Variants in NIBAN3 observed in about 807,000 individuals in gnomAD.
NIBAN3 encodes the protein niban apoptosis regulator 3, also known as protein Niban 3.
A neutral mutation model predicts 76.4 loss-of-function variants in NIBAN3; 66 were observed. The observed-to-expected ratio is 0.86, with a 90% CI of 0.71 to 1.06. NIBAN3 has a LOEUF of 1.06. Ranked by LOEUF, NIBAN3 falls within the 50% of genes least tolerant of loss-of-function variation. The pLI is 0.00. For synonymous variants in NIBAN3, 360 were observed against 355.2 expected (o/e 1.01, Z -0.15); for missense variants, 808 against 810.7 (o/e 1.00, Z 0.04).
At chr19:17,535,846 G>A (rs759332058) in intron 4 of NIBAN3, among the ~76,000 whole-genome samples, 26 of 151,780 alleles carry the variant, frequency 1.7e-4, no homozygotes, top group Non-Finnish European at 3.1e-4. Flanking sequence ...TGAGGCCACC[G>A]TGAGCTATGA....
At chr19:17,549,589 C>A in intron 14 of NIBAN3, 62 bp downstream of exon 14, 2 of 1,272,894 alleles carry the variant, frequency 1.6e-6, no homozygotes, top group Non-Finnish European at 2.3e-6. Flanking sequence ...GAGGTGGAGG[C>A]CCACATGGGG....
Position 17,546,698 on chromosome 19 carries a change from T to A in NIBAN3, c.1567T>A (p.Phe523Ile). Residue 523 changes from phenylalanine to isoleucine, a missense_variant, in exon 13 of 15, where the codon TTC (phenylalanine) becomes ATC (isoleucine). By Grantham distance (21) the Phe-to-Ile change is conservative. Transcript: ENST00000599164. ...GCCATGGTTCCAGGAGCTGCCTGAG[T>A]TCGAGGGGGATGTCCTTGCCGTGGG... Reference protein sequence around the residue: ...EPGCKKELPEFEGDVLAVGSQ... With the variant: ...EPGCKKELPEIEGDVLAVGSQ... The A allele has an allele frequency of 6.3e-7, 1 of 1,581,006 alleles. No individual in the cohort carries two copies. The highest frequency in any genetic ancestry group is 8.6e-7 in the Non-Finnish European group (1 of 1,164,840).
rs376551112 is a variant in NIBAN3, at chr19:17,540,568, C to T, written c.1156C>T (p.Arg386Trp). ...HRLRQSPSGT[R>W]LRREVYSFGE... ...CCTGCGCCAGAGCCCCTCAGGCACGCGGCTGCGCAGGGAGGTGAGCTCCCG... is the reference window on the plus strand; with the variant it reads ...CCTGCGCCAGAGCCCCTCAGGCACGTGGCTGCGCAGGGAGGTGAGCTCCCG... Residue 386 changes from arginine (R) to tryptophan (W), a missense_variant, in exon 9 of 15, where the codon CGG becomes TGG. Coordinates refer to ENST00000599164, the MANE Select transcript of NIBAN3 (RefSeq NM_001321827.2). 1.1e-5 allele frequency: 16 copies of T among 1,518,562 alleles called. No individual in the cohort carries two copies. The highest frequency in any genetic ancestry group is 1.2e-5 in the Non-Finnish European group (14 of 1,130,602). The allele number at this position is 1,518,562 out of a possible 1,614,324, so 94.1% of individuals were successfully genotyped here. A position where few individuals can be genotyped will look rare whatever the true frequency, so the allele number is the denominator to read the frequency against.
intron 1 of NIBAN3, 117 bp downstream of exon 1, chr19:17,527,512 A>T: frequency 1.9e-6 from 2 of 1,030,332 alleles, no homozygotes; most frequent in South Asian, 3.5e-5. Context: ...CTGTCAAAAC[A>T]CACAGGATGC....
intron 13 of NIBAN3, among the ~76,000 whole-genome samples, chr19:17,547,912 G>T (rs1223931686): frequency 6.6e-6 from 1 of 150,664 alleles, no homozygotes; most frequent in Non-Finnish European, 1.5e-5. Context: ...TGATCCGCCT[G>T]ACTTGGCCTC....
At position 17,528,848 on chromosome 19, in the gene NIBAN3, G is replaced by A. The variant is rs962447458; in HGVS notation, c.55+1453G>A. Reference sequence around the variant, plus strand: ...CAGCAGCATGGAAGAGTGTTTTTTTGGTTTTTGGGTCAAGTCATGACCCAA... The same window carrying A: ...CAGCAGCATGGAAGAGTGTTTTTTTAGTTTTTGGGTCAAGTCATGACCCAA... On this transcript the variant is annotated intron_variant, in intron 1 of 14. Coordinates refer to ENST00000599164, the MANE Select transcript of NIBAN3 (RefSeq NM_001321827.2). Among the ~76,000 whole-genome samples, 6 of 151,688 alleles carry A rather than the reference G, an allele frequency of 4.0e-5. No homozygotes were observed. The East Asian group carries it at 9.7e-4, about 25-fold the overall frequency.
intron 4 of NIBAN3, 75 bp downstream of exon 4, chr19:17,533,776 T>C (rs770255100): frequency 3.1e-5 from 36 of 1,149,004 alleles, no homozygotes; most frequent in Non-Finnish European, 4.6e-5. Context: ...GATCATTCTC[T>C]GCGGTGGGGG....
intron 5 of NIBAN3, 51 bp from the exon 6 acceptor site, chr19:17,539,099 G>C: frequency 6.7e-7 from 1 of 1,483,618 alleles, no homozygotes; most frequent in Non-Finnish European, 9.1e-7. Context: ...CGGGCCATCG[G>C]GAGCCAGGCA....
Position 17,546,835 on chromosome 19 carries a change from G to A in NIBAN3, c.1666+38G>A, listed in dbSNP as rs183561546. On this transcript the variant is annotated intron_variant, in intron 13 of 14. Coordinates refer to ENST00000599164, the MANE Select transcript of NIBAN3 (RefSeq NM_001321827.2). ...CTGCCATGGCTCAGAGGAGCCTGGC[G>A]TCCCTTGGCTGTATGTACCGAGCCC... The A allele has an allele frequency of 1.2e-4, 194 of 1,559,958 alleles. No individual in the cohort carries two copies. In the African/African-American group the frequency reaches 1.9e-3, roughly 15 times the overall value.
intron 13 of NIBAN3, among the ~76,000 whole-genome samples, chr19:17,548,136 G>A (rs537086691): frequency 2.6e-5 from 4 of 152,288 alleles, no homozygotes; most frequent in Non-Finnish European, 5.9e-5. Flanking sequence ...TGCTTCCTGA[G>A]TTCATTCATG....
chr19:17,554,159 C>T (rs1277654151), downstream of NIBAN3, among the ~76,000 whole-genome samples: 2 of 152,126 alleles, frequency 1.3e-5, no homozygotes, highest in African/African-American at 2.4e-5. Context: ...CAGGCGTGAG[C>T]CACTGCACCT....
At position 17,553,495 on chromosome 19, in the gene NIBAN3, C is replaced by A. The variant is rs2076187218; in HGVS notation, c.*1597C>A. On this transcript the variant is annotated 3_prime_UTR_variant, in exon 15 of 15. Coordinates refer to ENST00000599164, the MANE Select transcript of NIBAN3 (RefSeq NM_001321827.2). ...GTTCTTGGTTCAGCTTGCAGAGGGA[C>A]TTTCACACTCCCTGGAGACCGTTTC... is the stretch of plus-strand genomic sequence containing the variant. The A allele has an allele frequency of 9.3e-6, 15 of 1,614,218 alleles. No homozygotes were observed. Among genetic ancestry groups the A allele is most frequent in the Non-Finnish European group, 1.3e-5 (15 of 1,180,042 alleles).
chr19:17,526,014 A>G (rs1344578159), upstream of NIBAN3, among the ~76,000 whole-genome samples: 1 of 152,048 alleles, frequency 6.6e-6, no homozygotes, highest in Non-Finnish European at 1.5e-5. Context: ...AGATCATGCC[A>G]CTGCACTCCA....
chr19:17,523,971 C>CTCTA (rs1351371550), upstream of NIBAN3, among the ~76,000 whole-genome samples: 1 of 152,126 alleles, frequency 6.6e-6, no homozygotes, highest in Non-Finnish European at 1.5e-5. Context: ...TCACTGCAAC[C>CTCTA]TCTACCTCAC....
intron 1 of NIBAN3, among the ~76,000 whole-genome samples, chr19:17,530,334 A>C (rs2075694556): frequency 6.6e-6 from 1 of 151,264 alleles, no homozygotes; most frequent in South Asian, 2.1e-4. Flanking sequence ...AAAAACAAAA[A>C]ACAAAACAAA....
In NIBAN3 at chr19:17,534,681, C is replaced by T. The variant is rs12985806; in HGVS notation, c.427+980C>T. Among the ~76,000 whole-genome samples the T allele has an allele frequency of 7.1e-3, 1,076 of 151,752 alleles. 5 individuals are homozygous for T. The highest frequency in any genetic ancestry group is 0.013 in the Admixed American group (195 of 15,208). On this transcript the variant is annotated intron_variant, in intron 4 of 14. Coordinates refer to ENST00000599164, the MANE Select transcript of NIBAN3 (RefSeq NM_001321827.2). ...TGGCGGGCACCTGTAGTCCCAACTA[C>T]TCAGGAGGCTGAGGCAGGAGAATGG...
chr19:17,539,878 A>G, intron 8 of NIBAN3, 113 bp downstream of exon 8: 1 of 526,692 alleles, frequency 1.9e-6, no homozygotes, highest in Non-Finnish European at 2.9e-6. Context: ...GGGCGTGGTC[A>G]GAGAGGGGCG....
downstream of NIBAN3, among the ~76,000 whole-genome samples, chr19:17,555,003 T>C (rs1346331127): frequency 6.7e-6 from 1 of 148,968 alleles, no homozygotes; most frequent in Non-Finnish European, 1.5e-5. Context: ...TGGAAAACAA[T>C]CCCTTGACAG....
chr19:17,533,430 AG>A, intron 3 of NIBAN3, 156 bp from the exon 4 acceptor site: 1 of 483,788 alleles, frequency 2.1e-6, no homozygotes, highest in Non-Finnish European at 3.6e-6. Flanking sequence ...AAAAAAAAAA[AG>A]AGAGAGGGAG....
Sources: allele counts gnomAD v4.1 joint callset (sites outside exome capture counted in the v4.1 genomes callset), GRCh38; gene constraint gnomAD v4.1.1; transcripts MANE v1.5; gene names NCBI Gene and HGNC (gene_info 2026-07-23, HGNC 2026-07-21).